HIVEP1: variants seen among roughly 807,000 people sequenced by gnomAD.
HIVEP1 encodes zinc finger protein 40.
A neutral mutation model predicts 180.0 loss-of-function variants in HIVEP1; 36 were observed. The observed-to-expected ratio is 0.20, with a 90% CI of 0.15 to 0.26. The LOEUF (loss-of-function observed/expected upper bound fraction) is 0.26, where lower values mean the gene tolerates loss of function less well. HIVEP1 is among the 10% of genes least tolerant of loss of function. The pLI, the probability that HIVEP1 is intolerant of heterozygous loss-of-function variation, is 1.00. For missense variants in HIVEP1, 3,143 were observed against 3,268.7 expected (o/e 0.96, Z 0.94); for synonymous variants, 1,239 against 1,239.0 (o/e 1.00, Z 0.00).
intron 2 of HIVEP1, among the ~76,000 whole-genome samples, chr6:12,064,534 T>C (rs1771442124): frequency 6.6e-6 from 1 of 152,238 alleles, no homozygotes; most frequent in South Asian, 2.1e-4. Context: ...TTTTTTATTC[T>C]GCAAAATTAT....
At chr6:12,165,401 C>G (rs1760675291), downstream of HIVEP1, among the ~76,000 whole-genome samples, 1 of 152,144 alleles carries the variant, frequency 6.6e-6, no homozygotes, top group South Asian at 2.1e-4. Context: ...AACACCAGAT[C>G]CATTCGTGGG....
chr6:12,118,062 A>G (rs574802298), intron 3 of HIVEP1, among the ~76,000 whole-genome samples: 22 of 152,260 alleles, frequency 1.4e-4, no homozygotes, highest in Admixed American at 1.4e-3. Context: ...TTTGTTCAAC[A>G]TTTTGTAAAA....
chr6:12,131,690 A>G (rs1043454586), intron 6 of HIVEP1, among the ~76,000 whole-genome samples: 2 of 146,730 alleles, frequency 1.4e-5, no homozygotes, highest in Non-Finnish European at 3.0e-5. Context: ...TTATTACTTG[A>G]GATTTTAATT....
At chr6:12,074,619 A>AGTGTGTGTGT (rs113951055) in intron 2 of HIVEP1, among the ~76,000 whole-genome samples, 257 of 138,870 alleles carry the variant, frequency 1.9e-3, no homozygotes, top group Middle Eastern at 7.2e-3. Context: ...TGTATGAAAA[A>AGTGTGTGTGT]GTGTGTGTGT....
chr6:12,090,581 A>C (rs1723418274), intron 3 of HIVEP1, among the ~76,000 whole-genome samples: 1 of 151,162 alleles, frequency 6.6e-6, no homozygotes, highest in Admixed American at 6.6e-5. Context: ...CCCTCTAATG[A>C]CATTCTTACA....
At chr6:12,180,135 A>T in the HIVEP1 span, among the ~76,000 whole-genome samples, 1 of 152,102 alleles carries the variant, frequency 6.6e-6, no homozygotes, top group Non-Finnish European at 1.5e-5. Flanking sequence ...TAATCCTTCT[A>T]TTAATACTAT....
chr6:12,050,515 G>A (rs1337021790), intron 2 of HIVEP1, among the ~76,000 whole-genome samples: 1 of 151,988 alleles, frequency 6.6e-6, no homozygotes, highest in African/African-American at 2.4e-5. Context: ...GAACCCGGGA[G>A]GCGGAGCTTG....
intron 2 of HIVEP1, among the ~76,000 whole-genome samples, chr6:12,079,158 TG>T (rs1209659587): frequency 6.6e-6 from 1 of 152,136 alleles, no homozygotes; most frequent in Non-Finnish European, 1.5e-5. Flanking sequence ...CATCCCACAG[TG>T]GGCAACATAT....
At chr6:12,073,682 A>AT (rs1772140664) in intron 2 of HIVEP1, among the ~76,000 whole-genome samples, 1 of 151,984 alleles carries the variant, frequency 6.6e-6, no homozygotes, top group Admixed American at 6.6e-5. Context: ...TTTTCTCTAC[A>AT]TTTTTATTGT....
chr6:12,118,720 C>G (rs1047189374), intron 3 of HIVEP1, among the ~76,000 whole-genome samples: 1 of 152,158 alleles, frequency 6.6e-6, no homozygotes, highest in Non-Finnish European at 1.5e-5. Context: ...AACCTTATGA[C>G]TTTTTAATTT....
intron 2 of HIVEP1, among the ~76,000 whole-genome samples, chr6:12,066,898 A>G (rs1041408575): frequency 6.6e-6 from 1 of 152,056 alleles, no homozygotes; most frequent in Admixed American, 6.6e-5. Context: ...ATATATACAC[A>G]CACATACACT....
chr6:12,166,003 T>C (rs920296483), downstream of HIVEP1, among the ~76,000 whole-genome samples: 17 of 152,226 alleles, frequency 1.1e-4, no homozygotes, highest in African/African-American at 3.9e-4. Flanking sequence ...CATTTACATA[T>C]TTCCATAGAT....
intron 2 of HIVEP1, among the ~76,000 whole-genome samples, chr6:12,053,006 AT>A (rs1190572003): frequency 2.0e-5 from 3 of 152,164 alleles, no homozygotes; most frequent in Non-Finnish European, 4.4e-5. Flanking sequence ...TTTGATTGTC[AT>A]TATTGCAAAG....
the HIVEP1 span, among the ~76,000 whole-genome samples, chr6:12,175,292 A>G: frequency 1.3e-5 from 2 of 152,192 alleles, no homozygotes; most frequent in Admixed American, 1.3e-4. Flanking sequence ...TTCATATGGA[A>G]ACAATTTACC....
chr6:12,188,174 T>C, the HIVEP1 span, among the ~76,000 whole-genome samples: 1 of 152,164 alleles, frequency 6.6e-6, no homozygotes, highest in Non-Finnish European at 1.5e-5. Flanking sequence ...CAAACCAAAG[T>C]GCATCTTTAA....
chr6:12,029,390 C>G (rs189017100), intron 2 of HIVEP1, among the ~76,000 whole-genome samples: 15 of 152,318 alleles, frequency 9.8e-5, no homozygotes, highest in African/African-American at 3.6e-4. Flanking sequence ...TCCAGTCCGA[C>G]AATCTGCCTT....
intron 7 of HIVEP1, among the ~76,000 whole-genome samples, chr6:12,138,623 T>C (rs1047034058): frequency 6.6e-6 from 1 of 152,136 alleles, no homozygotes; most frequent in African/African-American, 2.4e-5. Context: ...ATCTCTTCTC[T>C]TCCTGTCTGT....
intron 2 of HIVEP1, among the ~76,000 whole-genome samples, chr6:12,047,334 C>G (rs1770208099): frequency 6.6e-6 from 1 of 152,200 alleles, no homozygotes; most frequent in South Asian, 2.1e-4. Context: ...CATTAAAAGA[C>G]CATGCAGTTT....
intron 2 of HIVEP1, among the ~76,000 whole-genome samples, chr6:12,023,403 A>C (rs557928549): frequency 1.3e-5 from 2 of 152,376 alleles, no homozygotes; most frequent in East Asian, 3.9e-4. Context: ...TTAGGTCAGC[A>C]GTTCCATGCT....
Sources: gnomAD v4.1 joint callset for allele counts (sites outside exome capture counted in the v4.1 genomes callset) on GRCh38, gnomAD v4.1.1 for gene constraint, MANE v1.5 for transcripts, NCBI Gene and HGNC (gene_info 2026-07-23, HGNC 2026-07-21) for gene names.